MYO16: variants seen among roughly 807,000 people sequenced by gnomAD.
MYO16 encodes unconventional myosin-XVI.
A neutral mutation model predicts 205.3 loss-of-function variants in MYO16; 94 were observed. The ratio of observed to expected loss-of-function variants is 0.46; its 90% CI spans 0.39 to 0.54. The LOEUF (loss-of-function observed/expected upper bound fraction) is 0.54, where lower values mean the gene tolerates loss of function less well. Ranked by LOEUF, MYO16 falls within the 20% of genes least tolerant of loss-of-function variation. The pLI is 0.00. For missense variants in MYO16, 2,315 were observed against 2,387.5 expected (o/e 0.97, Z 0.63); for synonymous variants, 988 against 954.0 (o/e 1.04, Z -0.66).
chr13:109,140,106 TTCAG>T lies in MYO16; in HGVS notation c.4052-157_4052-154del, dbSNP rs1566527188. On this transcript the variant is annotated intron_variant, in intron 31 of 34. Coordinates refer to ENST00000457511, the MANE Select transcript of MYO16 (RefSeq NM_001198950.3). The surrounding 1 kb of genome is among the most constrained non-coding windows in gnomAD (Gnocchi z 8.0). ...TTGGGGGTGGTCTCAGGAGTTCGGG[TTCAG>T]CCAGGGAGCCTAGTGGGTGGAGGAA... is the stretch of plus-strand genomic sequence containing the variant. Among the ~76,000 whole-genome samples, 2 of 151,918 alleles carry T rather than the reference TTCAG, an allele frequency of 1.3e-5. No homozygotes were observed. The highest frequency in any genetic ancestry group is 2.9e-5 in the Non-Finnish European group (2 of 68,000).
At chr13:109,061,030 A>G (rs965075120) in intron 27 of MYO16, among the ~76,000 whole-genome samples, 1 of 152,110 alleles carries the variant, frequency 6.6e-6, no homozygotes, top group African/African-American at 2.4e-5. Context: ...TCACCCCTTC[A>G]TGTTACGGAG....
chr13:108,510,461 G>GTTTTTTGTTT, the MYO16 span, among the ~76,000 whole-genome samples: 3 of 45,906 alleles, frequency 6.5e-5, no homozygotes, highest in Non-Finnish European at 1.1e-4. Flanking sequence ...ATTGATAGCT[G>GTTTTTTGTTT]TTTTTTTTTT....
At chr13:109,133,841 C>T (rs1876650996) in intron 31 of MYO16, among the ~76,000 whole-genome samples, 2 of 152,182 alleles carry the variant, frequency 1.3e-5, no homozygotes, top group South Asian at 2.1e-4. Context: ...CACACACACC[C>T]GGAAGTAGCC....
At chr13:108,510,474 T>G in the MYO16 span, among the ~76,000 whole-genome samples, 2 of 131,372 alleles carry the variant, frequency 1.5e-5, no homozygotes, top group African/African-American at 5.8e-5. Flanking sequence ...TTTTTTTTTT[T>G]TTTTTTTTTT....
At chr13:108,909,835 A>G (rs766747300) in intron 15 of MYO16, among the ~76,000 whole-genome samples, 168 bp from the exon 16 acceptor site, 5 of 152,178 alleles carry the variant, frequency 3.3e-5, no homozygotes, top group Non-Finnish European at 7.3e-5. Flanking sequence ...TCAGCATCGT[A>G]TTGAAAGTCC....
intron 23 of MYO16, among the ~76,000 whole-genome samples, chr13:109,043,437 T>C (rs1279083977): frequency 6.6e-6 from 1 of 151,376 alleles, no homozygotes; most frequent in African/African-American, 2.5e-5. Flanking sequence ...TTTGAAATCA[T>C]CGGATTTCCA....
chr13:108,516,139 G>A, the MYO16 span, among the ~76,000 whole-genome samples: 12 of 151,952 alleles, frequency 7.9e-5, no homozygotes, highest in East Asian at 1.9e-4. Context: ...TTCCGTGGGC[G>A]TAGGACCCTC....
At chr13:109,041,989 C>T (rs1387088286) in intron 23 of MYO16, among the ~76,000 whole-genome samples, 5 of 151,910 alleles carry the variant, frequency 3.3e-5, no homozygotes, top group Non-Finnish European at 7.4e-5. Flanking sequence ...CTCAGCCTCC[C>T]GAGTAGCTGG....
At chr13:108,595,792 A>C (rs1450058791), upstream of MYO16, among the ~76,000 whole-genome samples, 3 of 151,332 alleles carry the variant, frequency 2.0e-5, no homozygotes, top group African/African-American at 4.9e-5. Flanking sequence ...TATGGATTTT[A>C]ATGTTCATTG....
intron 33 of MYO16, among the ~76,000 whole-genome samples, chr13:109,176,760 A>C (rs1242779494): frequency 5.4e-4 from 73 of 134,022 alleles, no homozygotes; most frequent in African/African-American, 7.8e-4. Context: ...CGCTTGTCCC[A>C]CCCCCTCCTC....
intron 2 of MYO16, among the ~76,000 whole-genome samples, chr13:108,686,947 G>C (rs1240486697): frequency 2.0e-5 from 3 of 152,116 alleles, no homozygotes; most frequent in East Asian, 1.9e-4. Context: ...GGCTTGACAG[G>C]GTCCTGGAAC....
chr13:109,065,587 G>A (rs752437264), intron 27 of MYO16: 3 of 472,204 alleles, frequency 6.4e-6, no homozygotes, highest in Admixed American at 5.3e-5. Context: ...TACAGGAGAT[G>A]TTTTATATGG....
intron 34 of MYO16, among the ~76,000 whole-genome samples, chr13:109,201,268 C>T (rs1163121023): frequency 6.6e-6 from 1 of 152,086 alleles, no homozygotes; most frequent in African/African-American, 2.4e-5. Flanking sequence ...ATCACTTTGA[C>T]CACTTTCTAA....
chr13:108,734,700 C>T (rs548607042), intron 4 of MYO16, among the ~76,000 whole-genome samples: 4 of 152,368 alleles, frequency 2.6e-5, no homozygotes, highest in African/African-American at 9.6e-5. Context: ...TGCCGCCACC[C>T]ACTGCTTGGC....
the MYO16 span, among the ~76,000 whole-genome samples, chr13:108,583,597 T>C: frequency 2.9e-4 from 44 of 152,324 alleles, no homozygotes; most frequent in Non-Finnish European, 3.7e-4. Context: ...AATCATAGCA[T>C]GTATTATTGC....
intron 27 of MYO16, among the ~76,000 whole-genome samples, chr13:109,069,024 G>A (rs915550844): frequency 1.3e-5 from 2 of 152,136 alleles, no homozygotes; most frequent in Admixed American, 6.5e-5. Flanking sequence ...ACCTTGCCCT[G>A]ACACATTGTC....
intron 32 of MYO16, 26 bp from the exon 33 acceptor site, chr13:109,164,875 A>ATT: frequency 6.9e-7 from 1 of 1,447,330 alleles, no homozygotes; most frequent in African/African-American, 1.4e-5. Flanking sequence ...TCAGAAAATA[A>ATT]TTATGTTTTC....
chr13:109,185,460 G>T (rs1182319065), intron 34 of MYO16, among the ~76,000 whole-genome samples: 1 of 152,016 alleles, frequency 6.6e-6, no homozygotes, highest in East Asian at 1.9e-4. Flanking sequence ...TCTTTGCAGG[G>T]TCAATATTCT....
At chr13:108,989,492 TAC>T (rs1884748202) in intron 20 of MYO16, among the ~76,000 whole-genome samples, 1 of 152,234 alleles carries the variant, frequency 6.6e-6, no homozygotes. Context: ...TTATTCTTTA[TAC>T]AGAATTTATA....
Sources: allele counts gnomAD v4.1 joint callset (sites outside exome capture counted in the v4.1 genomes callset), GRCh38; gene constraint gnomAD v4.1.1; non-coding constraint Gnocchi (gnomAD v3.1); transcripts MANE v1.5; gene names NCBI Gene and HGNC (gene_info 2026-07-23, HGNC 2026-07-21).